The following HSPBAP1 variants were observed in gnomAD, a reference collection of about 807,000 sequenced individuals.
HSPBAP1 encodes HSPB1-associated protein 1.
Under a neutral mutation model 45.2 loss-of-function variants are expected in HSPBAP1, and 27 were observed. The observed-to-expected ratio is 0.60, with a 90% CI of 0.44 to 0.82. HSPBAP1 has a LOEUF of 0.82. HSPBAP1 is among the 40% of genes least tolerant of loss of function. The pLI is 0.00. For missense variants in HSPBAP1, 510 were observed against 590.9 expected (o/e 0.86, Z 1.42); for synonymous variants, 204 against 202.7 (o/e 1.01, Z -0.06).
At chr3:122,782,007 A>T (rs1367859021) in intron 1 of HSPBAP1, among the ~76,000 whole-genome samples, 2 of 152,232 alleles carry the variant, frequency 1.3e-5, no homozygotes, top group Non-Finnish European at 1.5e-5. Flanking sequence ...ATTTTGGTAG[A>T]TATTTACAAT....
intron 3 of HSPBAP1, among the ~76,000 whole-genome samples, chr3:122,768,356 C>T (rs946804365): frequency 2.0e-5 from 3 of 152,210 alleles, no homozygotes. Context: ...CTTTCATCTG[C>T]CTCACTGACA....
intron 6 of HSPBAP1, among the ~76,000 whole-genome samples, chr3:122,751,308 T>C (rs906826166): frequency 6.6e-6 from 1 of 152,246 alleles, no homozygotes; most frequent in Non-Finnish European, 1.5e-5. Flanking sequence ...CCAATTACTC[T>C]ACTGAGGTGG....
chr3:122,752,879 A>G, intron 5 of HSPBAP1: 1 of 1,323,550 alleles, frequency 7.6e-7, no homozygotes, highest in Non-Finnish European at 9.6e-7. Flanking sequence ...CACATGTTCT[A>G]CAAAGGATAC....
chr3:122,785,015 C>A (rs1032244585), intron 1 of HSPBAP1, among the ~76,000 whole-genome samples: 3 of 152,152 alleles, frequency 2.0e-5, no homozygotes, highest in African/African-American at 7.2e-5. Flanking sequence ...AGGACTGGAA[C>A]CAGATTTATC....
chr3:122,776,318 C>T (rs182916929), intron 2 of HSPBAP1, among the ~76,000 whole-genome samples: 5 of 152,296 alleles, frequency 3.3e-5, no homozygotes, highest in African/African-American at 1.2e-4. Flanking sequence ...TTACTAAAAG[C>T]TCAGAGTCAT....
rs1414763918 is a variant in HSPBAP1 at position 122,753,636 on chromosome 3, G to A, written c.742-962C>T. On this transcript the variant is annotated intron_variant, in intron 5 of 7. Coordinates refer to ENST00000306103, the MANE Select transcript of HSPBAP1 (RefSeq NM_024610.6). The stretch of plus-strand genomic sequence containing the variant: ...TAAGAGCAGAGTAGATGGAAATGAT[G>A]TGAAGCTTTTGGGCTTCACATTAGG... The A allele has an allele frequency of 3.0e-6, 3 of 984,898 alleles. No homozygotes were observed. The East Asian group carries it at 3.4e-4, about 112-fold the overall frequency. The allele number at this position is 984,898 out of a possible 1,614,324, so 61.0% of individuals were successfully genotyped here.
chr3:122,791,363 T>C lies in HSPBAP1; in HGVS notation c.64+2254A>G, dbSNP rs1015307825. Among the ~76,000 whole-genome samples the C allele has an allele frequency of 2.6e-5, 4 of 152,234 alleles. No individual in the cohort carries two copies. In the East Asian group the frequency reaches 7.7e-4, roughly 29 times the overall value. On this transcript the variant is annotated intron_variant, in intron 1 of 7. Transcript: ENST00000306103. ...ACTCCTGACACCAACTTCTTTCAGT[T>C]CTTGGACCATGCCATGCTTTCTCCT...
intron 6 of HSPBAP1, among the ~76,000 whole-genome samples, chr3:122,743,471 CAGG>C (rs1018336618): frequency 2.0e-5 from 3 of 152,104 alleles, no homozygotes; most frequent in Admixed American, 6.5e-5. Context: ...GAGGCTGAAG[CAGG>C]AGAATTGCCT....
At chr3:122,765,337 T>TTGGGAGGC (rs1288026244) in intron 3 of HSPBAP1, among the ~76,000 whole-genome samples, 1 of 152,160 alleles carries the variant, frequency 6.6e-6, no homozygotes, top group Non-Finnish European at 1.5e-5. Context: ...TCCCAGCACT[T>TTGGGAGGC]TGGGAGGCTG....
intron 2 of HSPBAP1, among the ~76,000 whole-genome samples, chr3:122,776,247 A>G (rs796858663): frequency 3.2e-4 from 49 of 152,364 alleles, no homozygotes; most frequent in African/African-American, 1.1e-3. Flanking sequence ...ATACTTTTAA[A>G]TGGCTAAAAT....
intron 6 of HSPBAP1, among the ~76,000 whole-genome samples, chr3:122,752,266 A>T (rs1934176581): frequency 6.6e-6 from 1 of 152,214 alleles, no homozygotes; most frequent in Non-Finnish European, 1.5e-5. Context: ...AGCGGCAACA[A>T]GGGACACATA....
chr3:122,788,944 T>G (rs1347593641), intron 1 of HSPBAP1, among the ~76,000 whole-genome samples: 3 of 152,210 alleles, frequency 2.0e-5, no homozygotes, highest in Non-Finnish European at 1.5e-5. Context: ...ATGTTATATG[T>G]TTTTACCACA....
intron 1 of HSPBAP1, among the ~76,000 whole-genome samples, chr3:122,787,326 C>T (rs1935688811): frequency 6.6e-6 from 1 of 152,162 alleles, no homozygotes; most frequent in Non-Finnish European, 1.5e-5. Context: ...AACCTAATTT[C>T]TCTGAGAACG....
At chr3:122,751,088 G>A (rs1239310270) in intron 6 of HSPBAP1, among the ~76,000 whole-genome samples, 1 of 152,130 alleles carries the variant, frequency 6.6e-6, no homozygotes. Flanking sequence ...AATATTACAA[G>A]CAGCACTGGA....
At chr3:122,790,034 C>T (rs1187398578) in intron 1 of HSPBAP1, among the ~76,000 whole-genome samples, 3 of 151,870 alleles carry the variant, frequency 2.0e-5, no homozygotes, top group South Asian at 2.1e-4. Context: ...AGTTTATTTT[C>T]GTATTTTCCG....
chr3:122,762,866 T>C (rs1262343087), intron 3 of HSPBAP1, among the ~76,000 whole-genome samples: 1 of 152,246 alleles, frequency 6.6e-6, no homozygotes, highest in Non-Finnish European at 1.5e-5. Context: ...GTTTTATAAA[T>C]GTCAATTAAA....
intron 2 of HSPBAP1, among the ~76,000 whole-genome samples, chr3:122,769,573 A>T (rs1934912989): frequency 6.6e-6 from 1 of 152,258 alleles, no homozygotes; most frequent in Non-Finnish European, 1.5e-5. Context: ...AAGAAATCTG[A>T]TTATGACTTC....
rs1369659253 is a variant in HSPBAP1 at position 122,759,291 on chromosome 3, A to G, written c.502T>C (p.Leu168=). The change falls in exon 4 of 8, where the codon TTG becomes CTG. Residue 168 remains leucine (L), a synonymous_variant. Coordinates refer to ENST00000306103, the MANE Select transcript of HSPBAP1 (RefSeq NM_024610.6). Reference sequence around the variant, plus strand: ...AGATGACAGGGTGTGTGGGCTCCCAAGGAGCCAATCCACAATGTACTTTCC... The same window carrying G: ...AGATGACAGGGTGTGTGGGCTCCCAGGGAGCCAATCCACAATGTACTTTCC... ...GQESTLWIGS[L]GAHTPCHLDS... is the part of the protein sequence containing the mutation. The G allele has an allele frequency of 1.2e-6, 2 of 1,613,626 alleles. No homozygotes were observed. Among genetic ancestry groups the G allele is most frequent in the African/African-American group, 1.3e-5 (1 of 74,876 alleles).
At chr3:122,769,135 AT>A (rs1934893313) in intron 2 of HSPBAP1, among the ~76,000 whole-genome samples, 1 of 152,188 alleles carries the variant, frequency 6.6e-6, no homozygotes, top group Non-Finnish European at 1.5e-5. Flanking sequence ...CCAAAAAAAA[AT>A]TAATTAAAAA....
Sources: allele counts gnomAD v4.1 joint callset (sites outside exome capture counted in the v4.1 genomes callset), GRCh38; gene constraint gnomAD v4.1.1; transcripts MANE v1.5; gene names NCBI Gene and HGNC (gene_info 2026-07-23, HGNC 2026-07-21).